Variants in PPM1H observed in about 807,000 individuals in gnomAD.
PPM1H encodes the protein protein phosphatase 1H.
Under a neutral mutation model 54.9 loss-of-function variants are expected in PPM1H, and 27 were observed. That is an observed-to-expected ratio of 0.49 (90% CI 0.36 to 0.68). PPM1H has a LOEUF of 0.68. Among genes scored for constraint, PPM1H ranks in the 30% least tolerant of loss-of-function variants. The pLI is 0.00. For missense variants in PPM1H, 596 were observed against 667.8 expected (o/e 0.89, Z 1.19); for synonymous variants, 305 against 270.8 (o/e 1.13, Z -1.24).
At chr12:62,849,176 G>T (rs1869086653) in intron 1 of PPM1H, among the ~76,000 whole-genome samples, 1 of 152,126 alleles carries the variant, frequency 6.6e-6, no homozygotes, top group African/African-American at 2.4e-5. Flanking sequence ...GGATTGCTCA[G>T]CACATCCAAC....
In PPM1H at chr12:62,755,259, T is replaced by C. The variant is rs184521944; in HGVS notation, c.870-17673A>G. 1.0e-4 allele frequency: 74 copies of C among 735,984 alleles called. No homozygotes were observed. The African/African-American group carries it at 1.1e-3, about 11-fold the overall frequency. The allele number at this position is 735,984 out of a possible 1,614,324, so 45.6% of individuals were successfully genotyped here. ...TGAAGATCAAAGTCAATGGATTTGG[T>C]TGTATTGGGTGCCTAGTCACCAGGG... On this transcript the variant is annotated intron_variant, in intron 4 of 9. Transcript: ENST00000228705.
At position 62,934,424 on chromosome 12, in the gene PPM1H, G is replaced by A; in HGVS notation, c.245+68C>T. On this transcript the variant is annotated intron_variant, in intron 1 of 9. Coordinates refer to ENST00000228705, the MANE Select transcript of PPM1H (RefSeq NM_020700.2). The surrounding 1 kb of genome is among the most constrained non-coding windows in gnomAD (Gnocchi z 4.2). ...CTGAGGCCGAGAAGCAGGGAGAGAA[G>A]AGGGCTGGAACCGTGCGGGGAAGGG... The A allele has an allele frequency of 7.0e-7, 1 of 1,427,276 alleles. No individual in the cohort carries two copies. Among genetic ancestry groups the A allele is most frequent in the Non-Finnish European group, 9.2e-7 (1 of 1,091,290 alleles). The allele number at this position is 1,427,276 out of a possible 1,614,324, so 88.4% of individuals were successfully genotyped here. A position where few individuals can be genotyped will look rare whatever the true frequency, so the allele number is the denominator to read the frequency against.
At chr12:62,809,891 G>T (rs1247349313) in intron 2 of PPM1H, among the ~76,000 whole-genome samples, 1 of 151,890 alleles carries the variant, frequency 6.6e-6, no homozygotes, top group Non-Finnish European at 1.5e-5. Flanking sequence ...TTTCTTCTGC[G>T]TGAAACACTG....
rs371512432 is a variant in PPM1H, at chr12:62,752,089, C to T, written c.870-14503G>A. On this transcript the variant is annotated intron_variant, in intron 4 of 9. Coordinates refer to ENST00000228705, the MANE Select transcript of PPM1H (RefSeq NM_020700.2). ...TGAAATGAAAAGTAATCAAAGTTTG[C>T]AGTCCAAAGTCAATTTCAAGCTATG... Among the ~76,000 whole-genome samples the T allele has an allele frequency of 1.2e-4, 19 of 152,290 alleles. No homozygotes were observed. In the East Asian group the frequency reaches 1.7e-3, roughly 14 times the overall value.
chr12:62,691,927 A>C (rs184321463), intron 7 of PPM1H, among the ~76,000 whole-genome samples: 8 of 151,926 alleles, frequency 5.3e-5, no homozygotes, highest in Non-Finnish European at 7.4e-5. Flanking sequence ...AAAAATTCTG[A>C]GTCCCTTGTG....
chr12:62,829,667 A>C (rs1338541472), intron 2 of PPM1H, among the ~76,000 whole-genome samples: 1 of 152,174 alleles, frequency 6.6e-6, no homozygotes, highest in African/African-American at 2.4e-5. Context: ...CTCTTGAAGG[A>C]CGGACCCCAC....
chr12:62,917,904 A>T (rs1223991428), intron 1 of PPM1H, among the ~76,000 whole-genome samples: 2 of 152,212 alleles, frequency 1.3e-5, no homozygotes, highest in South Asian at 2.1e-4. Flanking sequence ...CATAAAATCA[A>T]ATGTAACTAG....
At chr12:62,772,455 T>A (rs145159551) in intron 4 of PPM1H, among the ~76,000 whole-genome samples, 12 of 152,328 alleles carry the variant, frequency 7.9e-5, no homozygotes, top group African/African-American at 2.9e-4. Context: ...TTAAAAATTT[T>A]ATTTTAGATT....
chr12:62,816,693 C>T (rs148703582), intron 2 of PPM1H, among the ~76,000 whole-genome samples: 187 of 151,104 alleles, frequency 1.2e-3, no homozygotes, highest in African/African-American at 4.2e-3. Context: ...CTAAAATCGG[C>T]GTCTGGTACA....
intron 1 of PPM1H, among the ~76,000 whole-genome samples, chr12:62,876,246 CTAGT>C (rs956192142): frequency 1.3e-5 from 2 of 152,120 alleles, no homozygotes; most frequent in Non-Finnish European, 2.9e-5. Context: ...TTAGGAGATG[CTAGT>C]TAAACTATCA....
At chr12:62,923,108 TTGC>T (rs1337976120) in intron 1 of PPM1H, among the ~76,000 whole-genome samples, 5 of 152,182 alleles carry the variant, frequency 3.3e-5, no homozygotes, top group Non-Finnish European at 5.9e-5. Context: ...AAGGACCCAA[TTGC>T]TGCTGTTTTT....
At chr12:62,655,627 G>A (rs567084169) in intron 9 of PPM1H, among the ~76,000 whole-genome samples, 1 of 152,302 alleles carries the variant, frequency 6.6e-6, no homozygotes, top group African/African-American at 2.4e-5. Flanking sequence ...ATATCCAAGA[G>A]AGCAGCCAAG....
In PPM1H at chr12:62,694,617, C is replaced by T. The variant is rs143548168; in HGVS notation, c.1074-618G>A. Among the ~76,000 whole-genome samples, 1,025 of 152,254 alleles carry T rather than the reference C, an allele frequency of 6.7e-3. 10 individuals are homozygous for T. The highest frequency in any genetic ancestry group is 0.024 in the African/African-American group (977 of 41,538). Reference sequence around the variant, plus strand: ...AGTGCCACAGCCTGCACAGCGGAGGCGGGTAAGATGAAAGGGACAGAGCTG... The same window carrying T: ...AGTGCCACAGCCTGCACAGCGGAGGTGGGTAAGATGAAAGGGACAGAGCTG... On this transcript the variant is annotated intron_variant, in intron 6 of 9. Coordinates refer to ENST00000228705, the MANE Select transcript of PPM1H (RefSeq NM_020700.2).
Position 62,934,694 on chromosome 12 carries a change from C to A in PPM1H, c.43G>T (p.Gly15Cys). The change falls in exon 1 of 10, where the codon GGC (glycine) becomes TGC (cysteine). Residue 15 changes from glycine to cysteine, a missense_variant. By Grantham distance (159) the Gly-to-Cys change is radical. Transcript: ENST00000228705. The surrounding 1 kb of genome is among the most constrained non-coding windows in gnomAD (Gnocchi z 4.2). ...VKSAVANFMG[G>C]IMAGSSGSEH... ...GAGCCTGAGCTGCCAGCCATGATGC[C>A]GCCCATGAAATTGGCCACGGCAGAT... 6.2e-7 allele frequency: 1 copy of A among 1,606,798 alleles called. No individual in the cohort carries two copies. The highest frequency in any genetic ancestry group is 8.5e-7 in the Non-Finnish European group (1 of 1,176,582).
chr12:62,918,847 C>T (rs1013985389), intron 1 of PPM1H, among the ~76,000 whole-genome samples: 2 of 152,176 alleles, frequency 1.3e-5, no homozygotes, highest in African/African-American at 2.4e-5. Flanking sequence ...GTAGAATTAT[C>T]GCAGTTGGAA....
chr12:62,887,789 A>G (rs1221443388), intron 1 of PPM1H, among the ~76,000 whole-genome samples: 1 of 152,108 alleles, frequency 6.6e-6, no homozygotes, highest in African/African-American at 2.4e-5. Context: ...GCACATCTGA[A>G]CTCAGACCTG....
chr12:62,720,294 T>C lies in PPM1H; in HGVS notation c.955-5A>G, dbSNP rs747082685. ...CAAGTGAGGCTGCATGAATGCCTAA[T>C]AGCAAAAAGAAAAAGAAAAAACACA... On this transcript the variant is annotated splice_region_variant and splice_polypyrimidine_tract_variant and intron_variant, in intron 5 of 9. Coordinates refer to ENST00000228705, the MANE Select transcript of PPM1H (RefSeq NM_020700.2). 26 of 1,591,744 alleles carry C rather than the reference T, an allele frequency of 1.6e-5. No homozygotes were observed. The highest frequency in any genetic ancestry group is 1.7e-4 in the Middle Eastern group (1 of 6,050).
chr12:62,676,741 A>G (rs2075988962), intron 8 of PPM1H, among the ~76,000 whole-genome samples: 1 of 151,918 alleles, frequency 6.6e-6, no homozygotes, highest in Non-Finnish European at 1.5e-5. Context: ...GGCCGAGGGG[A>G]AGGGCTGAGG....
intron 9 of PPM1H, among the ~76,000 whole-genome samples, chr12:62,652,161 C>A (rs1297198988): frequency 1.3e-5 from 2 of 152,156 alleles, no homozygotes; most frequent in East Asian, 1.9e-4. Context: ...ACTTTCACAC[C>A]CTGATATTGT....
Sources: gnomAD v4.1 joint callset for allele counts (sites outside exome capture counted in the v4.1 genomes callset) on GRCh38, gnomAD v4.1.1 for gene constraint, Gnocchi (gnomAD v3.1) non-coding constraint, MANE v1.5 for transcripts, NCBI Gene and HGNC (gene_info 2026-07-23, HGNC 2026-07-21) for gene names.